Variants in FDFT1 observed in about 807,000 individuals in gnomAD.
FDFT1 encodes farnesyl-diphosphate farnesyltransferase 1, also known as squalene synthase.
Under a neutral mutation model 46.8 loss-of-function variants are expected in FDFT1, and 68 were observed. The observed-to-expected ratio is 1.45, with a 90% CI of 1.19 to 1.78. FDFT1 has a LOEUF of 1.78. FDFT1 is among the 40% of genes most tolerant of loss of function. The pLI, the probability that FDFT1 is intolerant of heterozygous loss-of-function variation, is 0.00. For missense variants in FDFT1, 928 were observed against 524.4 expected (o/e 1.77, Z -7.52); for synonymous variants, 351 against 185.1 (o/e 1.90, Z -7.28).
At chr8:11,817,417 T>G (rs1808612461) in intron 3 of FDFT1, among the ~76,000 whole-genome samples, 1 of 152,198 alleles carries the variant, frequency 6.6e-6, no homozygotes. Flanking sequence ...TCTTTTTCTA[T>G]TGGAATAGTT....
upstream of FDFT1, chr8:11,798,106 T>TCA (rs1805746466): frequency 6.6e-6 from 1 of 152,288 alleles, no homozygotes; most frequent in Non-Finnish European, 1.5e-5. Context: ...AGACGGAGTC[T>TCA]CACTTTGTTG....
intron 3 of FDFT1, among the ~76,000 whole-genome samples, chr8:11,819,177 C>G (rs1808874850): frequency 6.6e-6 from 1 of 152,146 alleles, no homozygotes; most frequent in African/African-American, 2.4e-5. Context: ...ATATTGGCCC[C>G]CACTCTCTTC....
At chr8:11,816,424 T>C (rs1350075029) in intron 3 of FDFT1, among the ~76,000 whole-genome samples, 1 of 152,238 alleles carries the variant, frequency 6.6e-6, no homozygotes, top group Non-Finnish European at 1.5e-5. Context: ...GGTAGCTTGA[T>C]GGGGATAGCA....
rs559993790 is a variant in FDFT1, at chr8:11,835,362, A to G, written c.1033-3026A>G. On this transcript the variant is annotated intron_variant, in intron 7 of 7. Transcript: ENST00000220584. ...GGCCTTACCGGCTCTGTTTTAGGTA[A>G]GTCCACGTCTGAGTACCAGTGACTG... Among the ~76,000 whole-genome samples, 20 of 152,294 alleles carry G rather than the reference A, an allele frequency of 1.3e-4. No individual in the cohort carries two copies. The East Asian group carries it at 3.9e-3, about 29-fold the overall frequency.
chr8:11,803,433 T>C (rs1806404096), intron 1 of FDFT1: 3 of 1,286,558 alleles, frequency 2.3e-6, no homozygotes, highest in South Asian at 2.5e-5. Flanking sequence ...CCTCGGTGCT[T>C]CCTGAGTTTT....
chr8:11,803,307 G>A (rs1265522928), intron 1 of FDFT1: 4 of 1,304,422 alleles, frequency 3.1e-6, no homozygotes, highest in Admixed American at 4.5e-5. Flanking sequence ...TTGGTAAGCG[G>A]AATGAACTAT....
intron 7 of FDFT1, among the ~76,000 whole-genome samples, chr8:11,837,692 G>A (rs773239800): frequency 1.5e-4 from 23 of 152,156 alleles, no homozygotes; most frequent in Admixed American, 1.2e-3. Flanking sequence ...GCATCAAGCA[G>A]AGGTTTGAGA....
At chr8:11,818,572 T>C (rs144921086) in intron 3 of FDFT1, among the ~76,000 whole-genome samples, 2,058 of 152,342 alleles carry the variant, frequency 0.014, 45 homozygotes, top group African/African-American at 0.047. Context: ...ATGTTTAAGA[T>C]AGTTAGCTCT....
intron 3 of FDFT1, among the ~76,000 whole-genome samples, chr8:11,812,556 C>A (rs1807875892): frequency 6.6e-6 from 1 of 152,222 alleles, no homozygotes; most frequent in South Asian, 2.1e-4. Context: ...ACTAAGAATT[C>A]TAAATTCAAA....
chr8:11,804,600 C>CTTTTTTTTTTTTTT (rs5889385), intron 1 of FDFT1, among the ~76,000 whole-genome samples: 2 of 97,364 alleles, frequency 2.1e-5, no homozygotes, highest in African/African-American at 3.9e-5. Flanking sequence ...CTTAGTTTCT[C>CTTTTTTTTTTTTTT]TTTTTTTTTT....
intron 5 of FDFT1, among the ~76,000 whole-genome samples, chr8:11,827,855 C>A (rs936126542): frequency 3.0e-4 from 45 of 151,156 alleles, no homozygotes; most frequent in African/African-American, 9.0e-4. Context: ...GCCTGGACAA[C>A]GTAGTGAGAC....
At chr8:11,829,553 T>G (rs559737977) in intron 5 of FDFT1, among the ~76,000 whole-genome samples, 9 of 152,364 alleles carry the variant, frequency 5.9e-5, no homozygotes, top group Middle Eastern at 3.4e-3. Flanking sequence ...GGTTTACTGT[T>G]TAGTCTGCAG....
At chr8:11,824,312 G>T (rs1460098717) in intron 4 of FDFT1, among the ~76,000 whole-genome samples, 3 of 152,042 alleles carry the variant, frequency 2.0e-5, no homozygotes, top group African/African-American at 7.2e-5. Context: ...ACAAATTGCT[G>T]TCGCGGAAAA....
intron 5 of FDFT1, among the ~76,000 whole-genome samples, chr8:11,829,311 C>T (rs1810447915): frequency 6.6e-6 from 1 of 152,190 alleles, no homozygotes; most frequent in Admixed American, 6.5e-5. Flanking sequence ...GTTTCCAGAA[C>T]TTTCGCTAGC....
At chr8:11,818,907 G>T (rs891926219) in intron 3 of FDFT1, among the ~76,000 whole-genome samples, 4 of 152,012 alleles carry the variant, frequency 2.6e-5, no homozygotes, top group Non-Finnish European at 5.9e-5. Context: ...GATGTTTGCT[G>T]GTTATTTTGC....
At chr8:11,795,993 G>T in exon 1 of FDFT1, 1 of 152,340 alleles carries the variant, frequency 6.6e-6, no homozygotes. Flanking sequence ...GGACACACTT[G>T]GACTCGACAG....
intron 1 of FDFT1, among the ~76,000 whole-genome samples, chr8:11,805,788 G>A (rs955836333): frequency 1.3e-5 from 2 of 152,106 alleles, no homozygotes; most frequent in Non-Finnish European, 2.9e-5. Context: ...CACTGACTAG[G>A]GTTGTATATG....
chr8:11,831,627 A>G lies in FDFT1; in HGVS notation c.989A>G (p.Asn330Ser), dbSNP rs148180939. 7.4e-6 allele frequency: 12 copies of G among 1,613,946 alleles called. No homozygotes were observed. Among genetic ancestry groups the G allele is most frequent in the African/African-American group, 1.3e-5 (1 of 74,936 alleles). ...QAVTLMMDATNMPAVKAIIYQ... is the reference protein window; with the variant it reads ...QAVTLMMDATSMPAVKAIIYQ... ...GTGACCCTGATGATGGATGCCACCAATATGCCAGCTGTCAAAGCCATCATA... is the reference window on the plus strand; with the variant it reads ...GTGACCCTGATGATGGATGCCACCAGTATGCCAGCTGTCAAAGCCATCATA... Residue 330 changes from asparagine to serine, a missense_variant, in exon 7 of 8, where the codon AAT (asparagine) becomes AGT (serine). Coordinates refer to ENST00000220584, the MANE Select transcript of FDFT1 (RefSeq NM_004462.5).
upstream of FDFT1, chr8:11,801,989 G>C (rs1412240419): frequency 6.6e-6 from 3 of 455,740 alleles, no homozygotes; most frequent in Non-Finnish European, 1.3e-5. Flanking sequence ...ACGCCTGGAC[G>C]GGTAGCCAGT....
Sources: allele counts gnomAD v4.1 joint callset (sites outside exome capture counted in the v4.1 genomes callset), GRCh38; gene constraint gnomAD v4.1.1; transcripts MANE v1.5; gene names NCBI Gene and HGNC (gene_info 2026-07-23, HGNC 2026-07-21).